ZDHHC11: variants seen among roughly 807,000 people sequenced by gnomAD.
ZDHHC11 encodes zDHHC palmitoyltransferase 11, also known as palmitoyltransferase ZDHHC11.
ZDHHC11 carries 44 observed loss-of-function variants against 51.3 expected under a neutral mutation model. That is an observed-to-expected ratio of 0.86 (90% CI 0.67 to 1.10). ZDHHC11 has a LOEUF of 1.10. Among genes scored for constraint, ZDHHC11 ranks in the 50% least tolerant of loss-of-function variants. ZDHHC11 has a pLI of 0.00. For synonymous variants in ZDHHC11, 163 were observed against 222.0 expected, an observed-to-expected ratio of 0.73 and a Z score of 2.36; for missense variants, 400 against 537.7, an observed-to-expected ratio of 0.74 and a Z score of 2.53.
intron 1 of ZDHHC11, among the ~76,000 whole-genome samples, chr5:856,603 G>A (rs756329399): frequency 5.6e-5 from 8 of 143,346 alleles, no homozygotes; most frequent in Non-Finnish European, 1.1e-4. Flanking sequence ...CACACCTCAC[G>A]CCACACATAT....
In ZDHHC11 at chr5:819,705, C is replaced by T. The variant is rs184800722; in HGVS notation, c.1059-93G>A. 88 of 1,321,948 alleles carry T rather than the reference C, an allele frequency of 6.7e-5. 1 individual carries two copies. The African/African-American group carries it at 1.2e-3, about 18-fold the overall frequency. The allele number at this position is 1,321,948 out of a possible 1,614,324, so 81.9% of individuals were successfully genotyped here. A position where few individuals can be genotyped will look rare whatever the true frequency, so the allele number is the denominator to read the frequency against. On this transcript the variant is annotated intron_variant, in intron 9 of 12. Coordinates refer to ENST00000283441, the MANE Select transcript of ZDHHC11 (RefSeq NM_024786.3). ...GCTACAGTGTGTCCTGTAAGCACCA[C>T]TGCAGTGGGGCCCATGTGTCTCAGA...
rs1741271191 is a variant in ZDHHC11, at chr5:819,424, TC to T, written c.1146+100del. The T allele has an allele frequency of 5.4e-6, 7 of 1,287,228 alleles. 1 individual carries two copies. In the Admixed American group the frequency reaches 1.0e-4, roughly 19 times the overall value. The allele number at this position is 1,287,228 out of a possible 1,614,324, so 79.7% of individuals were successfully genotyped here. A position where few individuals can be genotyped will look rare whatever the true frequency, so the allele number is the denominator to read the frequency against. On this transcript the variant is annotated intron_variant, in intron 10 of 12. Coordinates refer to ENST00000283441, the MANE Select transcript of ZDHHC11 (RefSeq NM_024786.3). The stretch of plus-strand genomic sequence containing the variant: ...GCAGCACCCTTGGACACAGAGTGCT[TC>T]CCTTTTGAATACTACCTTAACCTCA...
intron 10 of ZDHHC11, chr5:816,343 C>T (rs1018492229): frequency 3.7e-5 from 13 of 351,186 alleles, no homozygotes; most frequent in African/African-American, 2.6e-4. Flanking sequence ...CAGAGGCGGA[C>T]AGATGGCGGC....
intron 9 of ZDHHC11, among the ~76,000 whole-genome samples, chr5:820,548 T>C (rs1212275078): frequency 6.6e-6 from 1 of 151,080 alleles, no homozygotes; most frequent in African/African-American, 2.4e-5. Context: ...CCCCTGCCGG[T>C]GTCTGTGAGG....
chr5:854,022 CA>C (rs1185719540), upstream of ZDHHC11, among the ~76,000 whole-genome samples: 1 of 148,690 alleles, frequency 6.7e-6, no homozygotes, highest in African/African-American at 2.5e-5. Context: ...GACAGCAAGC[CA>C]GGGGGACAGA....
intron 11 of ZDHHC11, among the ~76,000 whole-genome samples, chr5:809,368 C>G (rs1463032895): frequency 7.0e-6 from 1 of 141,926 alleles, no homozygotes; most frequent in Admixed American, 7.1e-5. Flanking sequence ...AAGTCCTAAC[C>G]CCAGCGTTGT....
Position 819,576 on chromosome 5 carries a change from G to A in ZDHHC11, c.1095C>T (p.Arg365=). The change falls in exon 10 of 13, where the codon CGC becomes CGT. Residue 365 remains arginine, a synonymous_variant. Coordinates refer to ENST00000283441, the MANE Select transcript of ZDHHC11 (RefSeq NM_024786.3). ...GTACACGAGTGGAGAACTGACACAG[G>A]CGCCTGCAAATCAGCCGGGAGTTCC... ...KARNSRLICR[R]LCQFSTRVHP... is the part of the protein sequence containing the mutation. 6.2e-7 allele frequency: 1 copy of A among 1,610,002 alleles called. No homozygotes were observed. Among genetic ancestry groups the A allele is most frequent in the Non-Finnish European group, 8.5e-7 (1 of 1,176,768 alleles).
upstream of ZDHHC11, among the ~76,000 whole-genome samples, chr5:854,665 G>GT (rs1747872394): frequency 6.7e-6 from 1 of 150,116 alleles, no homozygotes; most frequent in Non-Finnish European, 1.5e-5. Context: ...AGGACAGTGA[G>GT]CTGGGGGCAC....
upstream of ZDHHC11, among the ~76,000 whole-genome samples, chr5:851,453 G>A (rs1199877136): frequency 6.6e-6 from 1 of 152,192 alleles, no homozygotes. Context: ...TACAGAGGAG[G>A]GTTAGGAAGC....
At chr5:856,764 C>G (rs113774005) in intron 1 of ZDHHC11, among the ~76,000 whole-genome samples, 82 of 151,730 alleles carry the variant, frequency 5.4e-4, no homozygotes, top group African/African-American at 1.8e-3. Flanking sequence ...ACACAGAATA[C>G]ACACCACACA....
chr5:819,412 A>T (rs904364385), intron 10 of ZDHHC11, 113 bp downstream of exon 10: 4 of 1,133,634 alleles, frequency 3.5e-6, no homozygotes, highest in African/African-American at 1.4e-5. Context: ...GCACCCTTGG[A>T]CACAGAGTGC....
chr5:806,095 A>G (rs1362591562), intron 11 of ZDHHC11, among the ~76,000 whole-genome samples: 1 of 151,136 alleles, frequency 6.6e-6, no homozygotes, highest in Non-Finnish European at 1.5e-5. Context: ...TAGTGATCAT[A>G]ATACTGAATA....
At chr5:849,042 C>T (rs1253605483) in intron 1 of ZDHHC11, among the ~76,000 whole-genome samples, 6 of 151,572 alleles carry the variant, frequency 4.0e-5, no homozygotes, top group Non-Finnish European at 8.8e-5. Flanking sequence ...ATACACCCGG[C>T]CCTTCACACA....
chr5:822,556 C>T (rs1320724648), intron 8 of ZDHHC11, among the ~76,000 whole-genome samples: 1 of 151,644 alleles, frequency 6.6e-6, no homozygotes, highest in African/African-American at 2.4e-5. Flanking sequence ...ACATGCTCAG[C>T]ATCTGAAGCT....
rs1005325117 is a variant in ZDHHC11, at chr5:840,516, G to T, written c.763C>A (p.Leu255Ile). Residue 255 changes from leucine (L) to isoleucine (I), a missense_variant, in exon 5 of 13, where the codon CTC becomes ATC. Leu to Ile is a conservative substitution (Grantham distance 5). Transcript: ENST00000283441. The part of the protein sequence containing the change: ...FLGLVHLGQL[L>I]IFHIYLKAKK... ...ATACTCAGGTAGATGTGGAAGATGA[G>T]CAGCTGGCCCAGGTGCACCAAGCCA... 3.7e-6 allele frequency: 6 copies of T among 1,613,774 alleles called. No individual in the cohort carries two copies. Among genetic ancestry groups the T allele is most frequent in the Non-Finnish European group, 5.1e-6 (6 of 1,179,880 alleles).
At chr5:800,665 C>G (rs1430578097) in intron 12 of ZDHHC11, among the ~76,000 whole-genome samples, 1 of 151,380 alleles carries the variant, frequency 6.6e-6, no homozygotes, top group Admixed American at 6.6e-5. Context: ...GGTTAAATTT[C>G]ACTGCATTCT....
intron 11 of ZDHHC11, among the ~76,000 whole-genome samples, chr5:808,933 C>T (rs1280415696): frequency 1.3e-5 from 2 of 149,906 alleles, no homozygotes. Context: ...CTCCTGTCCT[C>T]TTTATCTGCT....
chr5:827,436 G>A (rs1307847596), intron 7 of ZDHHC11, among the ~76,000 whole-genome samples: 1 of 151,270 alleles, frequency 6.6e-6, no homozygotes, highest in African/African-American at 2.4e-5. Context: ...AATACAGAGT[G>A]GAAGAATGGA....
chr5:798,083 G>A (rs1257576358), intron 12 of ZDHHC11, among the ~76,000 whole-genome samples: 37 of 146,158 alleles, frequency 2.5e-4, no homozygotes, highest in African/African-American at 8.1e-4. Context: ...ATTCCTTTGC[G>A]GGTAGAGAAG....
Sources: allele counts gnomAD v4.1 joint callset (sites outside exome capture counted in the v4.1 genomes callset), GRCh38; gene constraint gnomAD v4.1.1; transcripts MANE v1.5; gene names NCBI Gene and HGNC (gene_info 2026-07-23, HGNC 2026-07-21).